Variants in SORBS3 observed in about 807,000 individuals in gnomAD.
SORBS3 encodes the protein vinexin.
SORBS3 carries 69 observed loss-of-function variants against 98.0 expected under a neutral mutation model. That is an observed-to-expected ratio of 0.70 (90% confidence interval 0.58 to 0.86). The LOEUF is 0.86. Ranked by LOEUF, SORBS3 falls within the 40% of genes least tolerant of loss-of-function variation. The pLI is 0.00. For missense variants in SORBS3, 954 were observed against 908.5 expected, an observed-to-expected ratio of 1.05 and a Z score of -0.64; for synonymous variants, 394 against 355.4, an observed-to-expected ratio of 1.11 and a Z score of -1.22.
chr8:22,550,811 T>C (rs1840068230), upstream of SORBS3, among the ~76,000 whole-genome samples: 1 of 152,234 alleles, frequency 6.6e-6, no homozygotes, highest in Admixed American at 6.5e-5. Context: ...TCCCAGCTCG[T>C]AGCTAAAGTT....
upstream of SORBS3, chr8:22,551,771 G>A: frequency 2.0e-6 from 2 of 984,824 alleles, no homozygotes; most frequent in Non-Finnish European, 2.4e-6. The surrounding 1 kb of genome is among the most constrained non-coding windows in gnomAD (Gnocchi z 5.8). Context: ...GTCCAGATCC[G>A]AGACCCAAAC....
In SORBS3 at chr8:22,554,048, A is replaced by G. The variant is rs1377340154; in HGVS notation, c.-55-404A>G. Among the ~76,000 whole-genome samples the G allele has an allele frequency of 3.3e-5, 5 of 152,018 alleles. No homozygotes were observed. Among genetic ancestry groups the G allele is most frequent in the South Asian group, 4.1e-4 (2 of 4,830 alleles). ...GGGGGAGGCAGAGGGAACTGAAACA[A>G]AGTCCTGTGTTCCCAGGCCCCCTCT... On this transcript the variant is annotated intron_variant, in intron 1 of 20. Coordinates refer to ENST00000240123, the MANE Select transcript of SORBS3 (RefSeq NM_005775.5). This position sits in a 1 kb window ranked among gnomAD's most constrained non-coding sequence, Gnocchi z 6.5.
At chr8:22,571,413 G>A (rs1045046331) in intron 18 of SORBS3, among the ~76,000 whole-genome samples, 192 bp downstream of exon 18, 2 of 152,080 alleles carry the variant, frequency 1.3e-5, no homozygotes, top group African/African-American at 2.4e-5. Context: ...CTAGCCGAGG[G>A]AGCTCTAGAT....
intron 7 of SORBS3, among the ~76,000 whole-genome samples, chr8:22,562,446 C>G (rs1840316748): frequency 6.6e-6 from 1 of 152,214 alleles, no homozygotes; most frequent in Admixed American, 6.5e-5. Flanking sequence ...CAGGCTCCGC[C>G]CGGCTGCTGG....
intron 7 of SORBS3, 56 bp from the exon 8 acceptor site, chr8:22,563,930 GC>G: frequency 7.4e-7 from 1 of 1,347,242 alleles, no homozygotes; most frequent in Non-Finnish European, 1.1e-6. Flanking sequence ...CTGTGTGCTG[GC>G]TTCTGCCTCA....
chr8:22,571,542 GA>G, intron 18 of SORBS3, 175 bp from the exon 19 acceptor site: 1 of 615,124 alleles, frequency 1.6e-6, no homozygotes, highest in East Asian at 2.7e-5. Context: ...CCTGTGAAAT[GA>G]AATAGTCACA....
At chr8:22,551,186 C>T (rs921784782), upstream of SORBS3, among the ~76,000 whole-genome samples, 2 of 152,186 alleles carry the variant, frequency 1.3e-5, no homozygotes, top group Non-Finnish European at 2.9e-5. This position sits in a 1 kb window ranked among gnomAD's most constrained non-coding sequence, Gnocchi z 5.8. Context: ...GGGCCGCTCC[C>T]TTGGGCTGAT....
chr8:22,574,543 C>T (rs1586912224), intron 20 of SORBS3, 124 bp from the exon 21 acceptor site: 2 of 915,956 alleles, frequency 2.2e-6, no homozygotes, highest in East Asian at 2.4e-5. Flanking sequence ...CCAATTCCCT[C>T]TCTGGGCTCC....
Position 22,566,399 on chromosome 8 carries a change from C to G in SORBS3, c.1005C>G (p.Ala335=), listed in dbSNP as rs140305910. Residue 335 remains alanine, a synonymous_variant, in exon 13 of 21, where the codon GCC becomes GCG. Coordinates refer to ENST00000240123, the MANE Select transcript of SORBS3 (RefSeq NM_005775.5). ...SYPHAPYLGS[A]RSLSPHKMAD... is the part of the protein sequence containing the mutation. ...CACATGCACCTTACCTGGGTTCCGCCCGGTCCCTGAGTCCCCACAAAATGG... is the reference window on the plus strand; with the variant it reads ...CACATGCACCTTACCTGGGTTCCGCGCGGTCCCTGAGTCCCCACAAAATGG... 7.1e-5 allele frequency: 115 copies of G among 1,614,088 alleles called. No individual in the cohort carries two copies. In the African/African-American group the frequency reaches 1.1e-3, roughly 16 times the overall value.
intron 17 of SORBS3, among the ~76,000 whole-genome samples, chr8:22,570,034 G>A (rs1454833118): frequency 6.6e-6 from 1 of 152,158 alleles, no homozygotes; most frequent in South Asian, 2.1e-4. Flanking sequence ...TGTATTCTGG[G>A]CTGTTATTAA....
upstream of SORBS3, among the ~76,000 whole-genome samples, chr8:22,551,107 C>T (rs1372588692): frequency 6.6e-6 from 1 of 152,210 alleles, no homozygotes; most frequent in East Asian, 1.9e-4. The surrounding 1 kb of genome is among the most constrained non-coding windows in gnomAD (Gnocchi z 5.8). Context: ...AACACCAAGA[C>T]CCTCCTAATC....
intron 5 of SORBS3, among the ~76,000 whole-genome samples, chr8:22,558,881 G>C (rs927967751): frequency 6.6e-6 from 1 of 152,240 alleles, no homozygotes; most frequent in Non-Finnish European, 1.5e-5. Context: ...AAGCATTCCA[G>C]CAAAGGGAGC....
upstream of SORBS3, among the ~76,000 whole-genome samples, chr8:22,547,548 T>G (rs1045599198): frequency 3.3e-5 from 5 of 152,232 alleles, no homozygotes; most frequent in Admixed American, 6.5e-5. Flanking sequence ...ATCAGCCCTC[T>G]TATCCTACCC....
At position 22,566,336 on chromosome 8, in the gene SORBS3, C is replaced by T; in HGVS notation, c.951-9C>T. 6.2e-7 allele frequency: 1 copy of T among 1,612,192 alleles called. No individual in the cohort carries two copies. Among genetic ancestry groups the T allele is most frequent in the Middle Eastern group, 1.7e-4 (1 of 6,056 alleles). On this transcript the variant is annotated splice_polypyrimidine_tract_variant and intron_variant, in intron 12 of 20. Transcript: ENST00000240123. ...CAGGCTGGAGGCTCAGTCTCTGTGCCCCGTGCAGCCCGGCCTCAGCCTGGA... is the reference window on the plus strand; with the variant it reads ...CAGGCTGGAGGCTCAGTCTCTGTGCTCCGTGCAGCCCGGCCTCAGCCTGGA...
upstream of SORBS3, among the ~76,000 whole-genome samples, chr8:22,548,719 C>T (rs1434568822): frequency 6.6e-6 from 1 of 152,152 alleles, no homozygotes; most frequent in East Asian, 1.9e-4. Flanking sequence ...ATTCCCAGCA[C>T]CAGAGCAAGG....
intron 13 of SORBS3, 57 bp from the exon 14 acceptor site, chr8:22,566,604 G>T: frequency 1.3e-6 from 2 of 1,580,364 alleles, no homozygotes; most frequent in Non-Finnish European, 1.7e-6. Context: ...CTAGGTGGGG[G>T]TGCAACCCCA....
Position 22,571,015 on chromosome 8 carries a change from T to A in SORBS3, c.1537T>A (p.Ser513Thr), listed in dbSNP as rs1210157229. 6.2e-7 allele frequency: 1 copy of A among 1,613,418 alleles called. No individual in the cohort carries two copies. Among genetic ancestry groups the A allele is most frequent in the East Asian group, 2.2e-5 (1 of 44,892 alleles). ...ATTCCCTGCCAGCTACGTGCAGGTG[T>A]CTCGTGAACCCCGGCTCCGGCTCTG... is the stretch of plus-strand genomic sequence containing the variant. Reference protein sequence around the residue: ...GIFPASYVQVSREPRLRLCDD... With the variant: ...GIFPASYVQVTREPRLRLCDD... The change falls in exon 18 of 21, where the codon TCT becomes ACT. Residue 513 changes from serine to threonine, a missense_variant. Ser to Thr is a moderately conservative substitution (Grantham distance 58). Transcript: ENST00000240123.
At chr8:22,547,970 T>C (rs1001144881), upstream of SORBS3, among the ~76,000 whole-genome samples, 7 of 152,232 alleles carry the variant, frequency 4.6e-5, no homozygotes, top group Non-Finnish European at 5.9e-5. Flanking sequence ...ATGCCCATTA[T>C]ACATCATGCG....
intron 10 of SORBS3, 183 bp from the exon 11 acceptor site, chr8:22,565,085 T>A (rs1366975025): frequency 1.4e-6 from 2 of 1,434,252 alleles, no homozygotes; most frequent in Non-Finnish European, 1.8e-6. Flanking sequence ...TGAGAGGCCG[T>A]GGCGGGGATG....
Sources: gnomAD v4.1 joint callset for allele counts (sites outside exome capture counted in the v4.1 genomes callset) on GRCh38, gnomAD v4.1.1 for gene constraint, Gnocchi (gnomAD v3.1) non-coding constraint, MANE v1.5 for transcripts, NCBI Gene and HGNC (gene_info 2026-07-23, HGNC 2026-07-21) for gene names.